KIAA0040: variants seen among roughly 807,000 people sequenced by gnomAD.
KIAA0040 encodes uncharacterized protein KIAA0040.
Under a neutral mutation model 7.2 loss-of-function variants are expected in KIAA0040, and 10 were observed. That is an observed-to-expected ratio of 1.38 (90% CI 0.85 to 2.34). The LOEUF (loss-of-function observed/expected upper bound fraction) is 2.34, where lower values mean the gene tolerates loss of function less well. Among genes scored for constraint, KIAA0040 ranks in the 30% most tolerant of loss-of-function variants. KIAA0040 has a pLI of 0.00. For missense variants in KIAA0040, 89 were observed against 108.2 expected, an observed-to-expected ratio of 0.82 and a Z score of 0.79; for synonymous variants, 49 against 40.1, an observed-to-expected ratio of 1.22 and a Z score of -0.84.
intron 1 of KIAA0040, among the ~76,000 whole-genome samples, chr1:175,183,536 G>A (rs975620966): frequency 2.0e-5 from 3 of 152,220 alleles, no homozygotes; most frequent in South Asian, 4.1e-4. Context: ...ACCAGGACCC[G>A]GGCCTGGGCA....
intron 3 of KIAA0040, among the ~76,000 whole-genome samples, chr1:175,163,397 T>C: frequency 6.6e-6 from 1 of 152,218 alleles, no homozygotes; most frequent in Admixed American, 6.5e-5. Flanking sequence ...GAACTTAAAC[T>C]CAACATGCAA....
chr1:175,167,357 GT>G (rs1404504878), intron 2 of KIAA0040, among the ~76,000 whole-genome samples: 6 of 152,108 alleles, frequency 3.9e-5, no homozygotes, highest in African/African-American at 1.4e-4. Context: ...TCCCCCCAAA[GT>G]CTGGAAACAT....
chr1:175,157,774 C>T lies in KIAA0040; in HGVS notation c.*2940G>A, dbSNP rs554027142. On this transcript the variant is annotated 3_prime_UTR_variant, in exon 4 of 4. Transcript: ENST00000423313. ...GGCCTCCTCTGGCTGCCGTCCGGAG[C>T]CTGGCTAAAGCTGCTCAGAAGTCCA... 1 of 152,152 alleles carries T rather than the reference C, an allele frequency of 6.6e-6. No individual in the cohort carries two copies. Among genetic ancestry groups the T allele is most frequent in the South Asian group, 2.1e-4 (1 of 4,814 alleles). 9.4% of individuals were successfully genotyped at this position (152,152 alleles called of 1,614,324 possible).
At chr1:175,166,468 C>A (rs2269655) in intron 3 of KIAA0040, 94 bp downstream of exon 3, 17,724 of 152,190 alleles carry the variant, frequency 0.12, 1,396 homozygotes, top group East Asian at 0.31. Flanking sequence ...ATTGAATAAG[C>A]AAGCTGAGCA....
intron 2 of KIAA0040, among the ~76,000 whole-genome samples, chr1:175,172,592 A>G (rs1028286498): frequency 2.0e-5 from 3 of 152,158 alleles, no homozygotes. Flanking sequence ...AACAAACAAA[A>G]AAACCTGTCT....
At chr1:175,169,988 T>C (rs369678120) in intron 2 of KIAA0040, among the ~76,000 whole-genome samples, 1 of 152,198 alleles carries the variant, frequency 6.6e-6, no homozygotes, top group East Asian at 1.9e-4. Flanking sequence ...GACATTTTGT[T>C]TGTGCACTTA....
intron 2 of KIAA0040, among the ~76,000 whole-genome samples, chr1:175,170,781 G>A (rs989198813): frequency 1.3e-5 from 2 of 152,006 alleles, no homozygotes; most frequent in Admixed American, 1.3e-4. Flanking sequence ...CTCTGGTTCT[G>A]CTCCTCCCTC....
At chr1:175,186,351 C>A (rs142569358) in intron 1 of KIAA0040, among the ~76,000 whole-genome samples, 67 of 152,294 alleles carry the variant, frequency 4.4e-4, no homozygotes, top group African/African-American at 1.5e-3. Flanking sequence ...TTCATTAATT[C>A]CAATGCCAAG....
chr1:175,184,190 A>G (rs1044866420), intron 1 of KIAA0040, among the ~76,000 whole-genome samples: 1 of 152,216 alleles, frequency 6.6e-6, no homozygotes, highest in African/African-American at 2.4e-5. Context: ...CTGCCAACTG[A>G]GATGAATTGG....
chr1:175,189,999 T>G (rs982729097), intron 1 of KIAA0040, among the ~76,000 whole-genome samples: 1 of 152,178 alleles, frequency 6.6e-6, no homozygotes, highest in Non-Finnish European at 1.5e-5. Context: ...AACTACTCTG[T>G]AGGGGTCTGA....
intron 1 of KIAA0040, among the ~76,000 whole-genome samples, chr1:175,190,556 G>T (rs1232778898): frequency 6.6e-6 from 1 of 152,076 alleles, no homozygotes; most frequent in African/African-American, 2.4e-5. Flanking sequence ...GCTCTACAAG[G>T]TACCTTCCCC....
At chr1:175,184,625 A>G (rs1199256276) in intron 1 of KIAA0040, among the ~76,000 whole-genome samples, 1 of 152,232 alleles carries the variant, frequency 6.6e-6, no homozygotes, top group Non-Finnish European at 1.5e-5. Flanking sequence ...ATGTTTATGA[A>G]CCTATGTTTA....
chr1:175,160,899 C>T lies in KIAA0040; in HGVS notation c.115G>A (p.Val39Met), dbSNP rs574147992. The change falls in exon 4 of 4, where the codon GTG (valine) becomes ATG (methionine). Residue 39 changes from valine (V) to methionine (M), a missense_variant. Physicochemically the swap from Val to Met is conservative, Grantham distance 21. Transcript: ENST00000423313. ...CAGATGAAGAGGAGTGTGATGATCA[C>T]CAAGAGTGGCAGGCCCAGGAGGACT... is the stretch of plus-strand genomic sequence containing the variant. ...LGVLLGLPLL[V>M]IITLLFICCH... 1.9e-6 allele frequency: 3 copies of T among 1,551,568 alleles called. No homozygotes were observed. The highest frequency in any genetic ancestry group is 2.4e-5 in the East Asian group (1 of 40,916).
At chr1:175,178,554 A>G (rs2101899059) in intron 1 of KIAA0040, among the ~76,000 whole-genome samples, 1 of 152,350 alleles carries the variant, frequency 6.6e-6, no homozygotes, top group Non-Finnish European at 1.5e-5. Context: ...GTCAAGAAGC[A>G]TTAGTTAAGT....
chr1:175,178,417 A>G (rs1293662817), intron 1 of KIAA0040, among the ~76,000 whole-genome samples: 1 of 152,262 alleles, frequency 6.6e-6, no homozygotes, highest in East Asian at 1.9e-4. Flanking sequence ...AGTCCCTATA[A>G]TAAAAATAAT....
upstream of KIAA0040, chr1:175,192,780 G>C (rs1224735234): frequency 6.6e-6 from 1 of 152,120 alleles, no homozygotes; most frequent in Non-Finnish European, 1.5e-5. Flanking sequence ...CAGGTCTGGC[G>C]TGTAGGGCCC....
chr1:175,189,186 T>C (rs1677775666), intron 1 of KIAA0040, among the ~76,000 whole-genome samples: 1 of 152,244 alleles, frequency 6.6e-6, no homozygotes, highest in South Asian at 2.1e-4. Flanking sequence ...TTGAAGGTTT[T>C]TGACGTTGGC....
chr1:175,169,205 A>G (rs1676887959), intron 2 of KIAA0040, among the ~76,000 whole-genome samples: 1 of 152,380 alleles, frequency 6.6e-6, no homozygotes, highest in East Asian at 1.9e-4. Context: ...TATAATCCCT[A>G]GAATGATTTG....
In KIAA0040 at chr1:175,160,346, A is replaced by G. The variant is rs2101871698; in HGVS notation, c.*368T>C. On this transcript the variant is annotated 3_prime_UTR_variant, in exon 4 of 4. Transcript: ENST00000423313. ...GAATATACTTGCCCACGTACCTGCT[A>G]CCTGAATTTGTGTGTGTGTGTGTTA... 4.6e-6 allele frequency: 1 copy of G among 216,508 alleles called. No homozygotes were observed. The allele number at this position is 216,508 out of a possible 1,614,324, so 13.4% of individuals were successfully genotyped here.
Sources: gnomAD v4.1 joint callset for allele counts (sites outside exome capture counted in the v4.1 genomes callset) on GRCh38, gnomAD v4.1.1 for gene constraint, MANE v1.5 for transcripts, NCBI Gene and HGNC (gene_info 2026-07-23, HGNC 2026-07-21) for gene names.